ITGA1: variants seen among roughly 807,000 people sequenced by gnomAD.
The protein encoded by ITGA1 is integrin subunit alpha 1, also known as integrin alpha-1.
In ITGA1, 85 loss-of-function variants were observed where a neutral mutation model predicts 145.9. The ratio of observed to expected loss-of-function variants is 0.58; its 90% CI spans 0.49 to 0.70. The LOEUF is 0.70. Among genes scored for constraint, ITGA1 ranks in the 30% least tolerant of loss-of-function variants. The pLI, the probability that ITGA1 is intolerant of heterozygous loss-of-function variation, is 0.00. For missense variants in ITGA1, 1,351 were observed against 1,418.7 expected (o/e 0.95, Z 0.77); for synonymous variants, 520 against 495.3 (o/e 1.05, Z -0.66).
chr5:52,878,861 T>A (rs1749910221), intron 6 of ITGA1, among the ~76,000 whole-genome samples: 1 of 151,940 alleles, frequency 6.6e-6, no homozygotes, highest in Non-Finnish European at 1.5e-5. Flanking sequence ...GAGTTGGAAG[T>A]TAGCCAAGTG....
At chr5:52,792,127 A>G (rs1748254318) in intron 1 of ITGA1, among the ~76,000 whole-genome samples, 1 of 152,236 alleles carries the variant, frequency 6.6e-6, no homozygotes, top group Non-Finnish European at 1.5e-5. Flanking sequence ...CTCGTTATTA[A>G]GAATATAAAT....
rs1387661752 is a variant in ITGA1, at chr5:52,929,680, C to T, written c.2750C>T (p.Thr917Ile). The part of the protein sequence containing the change: ...FNTSYLMENV[T>I]IYLSATSDSE... ...ACATCCTATCTCATGGAAAATGTGA[C>T]CATTTATTTAAGTGCAACAAGGTTG... Residue 917 changes from threonine to isoleucine, a missense_variant, in exon 21 of 29, where the codon ACC (threonine) becomes ATC (isoleucine). Physicochemically the swap from Thr to Ile is moderately conservative, Grantham distance 89 (BLOSUM62 -1). Transcript: ENST00000282588. The T allele has an allele frequency of 9.5e-6, 15 of 1,586,708 alleles. No individual in the cohort carries two copies. Among genetic ancestry groups the T allele is most frequent in the African/African-American group, 1.3e-5 (1 of 74,252 alleles).
intron 1 of ITGA1, among the ~76,000 whole-genome samples, chr5:52,813,867 T>C (rs1259524384): frequency 6.6e-6 from 1 of 152,176 alleles, no homozygotes; most frequent in African/African-American, 2.4e-5. Context: ...TTTAAAGAAG[T>C]TGAAGTAAGA....
intron 1 of ITGA1, among the ~76,000 whole-genome samples, chr5:52,835,522 G>T (rs1749149197): frequency 6.6e-6 from 1 of 152,106 alleles, no homozygotes; most frequent in African/African-American, 2.4e-5. Context: ...CATATTGAAG[G>T]GTGGCCATTA....
chr5:52,804,515 C>T (rs1748553382), intron 1 of ITGA1, among the ~76,000 whole-genome samples: 1 of 152,212 alleles, frequency 6.6e-6, no homozygotes, highest in Non-Finnish European at 1.5e-5. Flanking sequence ...CCAGATGCCA[C>T]TAGAGTAGCT....
chr5:52,916,327 G>A (rs1290800540), intron 15 of ITGA1, among the ~76,000 whole-genome samples: 3 of 151,560 alleles, frequency 2.0e-5, no homozygotes, highest in East Asian at 1.9e-4. Flanking sequence ...TATAAAGGAA[G>A]GGTTTCATAA....
intron 6 of ITGA1, among the ~76,000 whole-genome samples, chr5:52,870,551 A>G (rs776404422): frequency 1.3e-5 from 2 of 152,234 alleles, no homozygotes; most frequent in Admixed American, 6.5e-5. Flanking sequence ...GTTGGGACAC[A>G]TAGTTGATTG....
At chr5:52,820,486 A>G (rs1748859781) in intron 1 of ITGA1, among the ~76,000 whole-genome samples, 1 of 149,590 alleles carries the variant, frequency 6.7e-6, no homozygotes, top group Non-Finnish European at 1.5e-5. Context: ...ACAAACCTGC[A>G]CGTTGTGCAC....
intron 19 of ITGA1, among the ~76,000 whole-genome samples, chr5:52,926,277 C>T (rs1287571833): frequency 6.6e-6 from 1 of 152,050 alleles, no homozygotes; most frequent in Admixed American, 6.6e-5. Context: ...AAAATAATGT[C>T]ATATATTACT....
intron 20 of ITGA1, 68 bp from the exon 21 acceptor site, chr5:52,929,557 T>C (rs1479882978): frequency 1.3e-6 from 1 of 785,820 alleles, no homozygotes; most frequent in Non-Finnish European, 2.1e-6. Context: ...ATGTCATTTA[T>C]GGAAATTGAA....
chr5:52,935,727 A>C (rs909097087), intron 23 of ITGA1, among the ~76,000 whole-genome samples: 9 of 152,224 alleles, frequency 5.9e-5, no homozygotes, highest in African/African-American at 2.2e-4. Flanking sequence ...TTATACATTT[A>C]AAGGAAAATG....
intron 1 of ITGA1, among the ~76,000 whole-genome samples, chr5:52,808,557 A>G (rs948664801): frequency 3.3e-5 from 5 of 152,046 alleles, no homozygotes; most frequent in Admixed American, 6.6e-5. Flanking sequence ...GATAGAAAAC[A>G]TTTTAATCTT....
rs148542500 is a variant in ITGA1, at chr5:52,937,731, T to A, written c.3078+217T>A. Among the ~76,000 whole-genome samples, 598 of 152,326 alleles carry A rather than the reference T, an allele frequency of 3.9e-3. 3 individuals are homozygous for A. The highest frequency in any genetic ancestry group is 0.014 in the African/African-American group (564 of 41,564). On this transcript the variant is annotated intron_variant, in intron 24 of 28. Coordinates refer to ENST00000282588, the MANE Select transcript of ITGA1 (RefSeq NM_181501.2). ...TGAGTGACTTAAAACAACACAAATT[T>A]ATTCTTTCACGGTTCTGGAGTCCAG...
chr5:52,861,503 A>AT lies in ITGA1; in HGVS notation c.240dup (p.Lys81Ter). ...CCCAAAAACAGAACTGGAGATGTCT[A>AT]TAAGTGTCCAGTTGGGAGAGGTGAA... is the stretch of plus-strand genomic sequence containing the variant. On this transcript the variant is annotated frameshift_variant, in exon 3 of 29. Transcript: ENST00000282588. LOFTEE classifies it high-confidence loss of function. The AT allele has an allele frequency of 6.2e-6, 10 of 1,613,938 alleles. No homozygotes were observed. Among genetic ancestry groups the AT allele is most frequent in the Non-Finnish European group, 8.5e-6 (10 of 1,179,858 alleles).
chr5:52,919,773 A>G (rs945741637), intron 16 of ITGA1, among the ~76,000 whole-genome samples: 1 of 152,194 alleles, frequency 6.6e-6, no homozygotes, highest in Admixed American at 6.5e-5. Flanking sequence ...GGAATATTGT[A>G]GCCTTCATAT....
chr5:52,906,216 A>G (rs561437947), intron 12 of ITGA1, among the ~76,000 whole-genome samples: 5 of 152,226 alleles, frequency 3.3e-5, no homozygotes, highest in Admixed American at 6.5e-5. Flanking sequence ...TCAGAATATG[A>G]TGGGATTGCT....
chr5:52,834,171 A>T (rs1271993145), intron 1 of ITGA1, among the ~76,000 whole-genome samples: 6 of 152,178 alleles, frequency 3.9e-5, no homozygotes, highest in African/African-American at 1.4e-4. Flanking sequence ...CACCTAGCAC[A>T]TCACTTCTGT....
chr5:52,842,943 T>C (rs898425128), intron 1 of ITGA1, among the ~76,000 whole-genome samples: 1 of 152,112 alleles, frequency 6.6e-6, no homozygotes, highest in Non-Finnish European at 1.5e-5. Flanking sequence ...CCGCCTGACT[T>C]GGCCTCCCAA....
chr5:52,796,694 T>C (rs1748349778), intron 1 of ITGA1, among the ~76,000 whole-genome samples: 1 of 152,098 alleles, frequency 6.6e-6, no homozygotes, highest in Non-Finnish European at 1.5e-5. Context: ...ATCATTAATA[T>C]ATGAGTGCCT....
Sources: allele counts gnomAD v4.1 joint callset (sites outside exome capture counted in the v4.1 genomes callset), GRCh38; gene constraint gnomAD v4.1.1; transcripts MANE v1.5; gene names NCBI Gene and HGNC (gene_info 2026-07-23, HGNC 2026-07-21).